ECT2: variants seen among roughly 807,000 people sequenced by gnomAD.
ECT2 encodes protein ECT2.
A neutral mutation model predicts 116.9 loss-of-function variants in ECT2; 61 were observed. The ratio of observed to expected loss-of-function variants is 0.52; its 90% CI spans 0.42 to 0.65. The LOEUF (loss-of-function observed/expected upper bound fraction) is 0.65, where lower values mean the gene tolerates loss of function less well. ECT2 is among the 30% of genes least tolerant of loss of function. The probability of loss-of-function intolerance (pLI) is 0.00; values close to 1 mark genes in which losing one functional copy is unlikely to be tolerated. For missense variants in ECT2, 937 were observed against 1,078.7 expected (o/e 0.87, Z 1.84); for synonymous variants, 358 against 346.4 (o/e 1.03, Z -0.37).
intron 14 of ECT2, among the ~76,000 whole-genome samples, chr3:172,778,634 C>T (rs1306287844): frequency 2.3e-5 from 3 of 128,632 alleles, no homozygotes; most frequent in African/African-American, 3.1e-5. Context: ...CTCGCTCTGT[C>T]GCCCAGGCTG....
intron 22 of ECT2, among the ~76,000 whole-genome samples, chr3:172,814,554 C>G (rs1729362039): frequency 6.6e-6 from 1 of 152,046 alleles, no homozygotes; most frequent in Non-Finnish European, 1.5e-5. Context: ...AACTTGCTTT[C>G]TTCTGAAAAT....
chr3:172,755,828 C>T (rs777319492), intron 4 of ECT2, among the ~76,000 whole-genome samples: 52 of 152,102 alleles, frequency 3.4e-4, no homozygotes, highest in Non-Finnish European at 6.2e-4. Flanking sequence ...CCTCAGCATA[C>T]GAAATAATCT....
intron 5 of ECT2, among the ~76,000 whole-genome samples, chr3:172,757,726 A>G (rs755083121): frequency 7.9e-5 from 12 of 152,056 alleles, no homozygotes; most frequent in Non-Finnish European, 1.6e-4. Flanking sequence ...ATACACTATC[A>G]ATACCACAAT....
At chr3:172,764,965 T>C (rs554080909) in intron 12 of ECT2, among the ~76,000 whole-genome samples, 2 of 139,880 alleles carry the variant, frequency 1.4e-5, no homozygotes, top group South Asian at 4.5e-4. Flanking sequence ...AGTATTTCCC[T>C]TTCTTTTTGA....
chr3:172,828,334 C>CTGTGTGTGTGTGTGTGTGTG, the ECT2 span, among the ~76,000 whole-genome samples: 3,774 of 150,214 alleles, frequency 0.025, 138 homozygotes, highest in African/African-American at 0.087. Context: ...TACCAACAGG[C>CTGTGTGTGTGTGTGTGTGTG]TGTGTGTGTG....
downstream of ECT2, among the ~76,000 whole-genome samples, chr3:172,822,089 T>C (rs1364783989): frequency 6.6e-6 from 1 of 151,986 alleles, no homozygotes; most frequent in Non-Finnish European, 1.5e-5. Context: ...GCACTTTTAG[T>C]TTCTTTAAGG....
At chr3:172,767,932 A>G (rs1719827146) in intron 12 of ECT2, among the ~76,000 whole-genome samples, 1 of 152,108 alleles carries the variant, frequency 6.6e-6, no homozygotes, top group African/African-American at 2.4e-5. Context: ...AGGTTTCACC[A>G]TGTTGGCCAG....
chr3:172,812,967 G>A (rs564680859), intron 22 of ECT2, among the ~76,000 whole-genome samples: 2 of 152,246 alleles, frequency 1.3e-5, no homozygotes, highest in Admixed American at 6.5e-5. Flanking sequence ...GGAAATCCTA[G>A]TAGTGTAAAA....
At position 172,807,940 on chromosome 3, in the gene ECT2, A is replaced by G. The variant is rs756316395; in HGVS notation, c.2400+16A>G. The G allele has an allele frequency of 1.9e-6, 3 of 1,605,566 alleles. No homozygotes were observed. The highest frequency in any genetic ancestry group is 2.6e-6 in the Non-Finnish European group (3 of 1,175,254). ...AGCAGATGCTGTAAGTTCTTAAAACAGTATTATAATGAAAGTTTAAATTTC... is the reference window on the plus strand; with the variant it reads ...AGCAGATGCTGTAAGTTCTTAAAACGGTATTATAATGAAAGTTTAAATTTC... On this transcript the variant is annotated intron_variant, in intron 22 of 24. Coordinates refer to ENST00000392692, the MANE Select transcript of ECT2 (RefSeq NM_001258315.2).
chr3:172,817,536 G>A (rs1729963548), intron 24 of ECT2, among the ~76,000 whole-genome samples: 1 of 152,016 alleles, frequency 6.6e-6, no homozygotes, highest in Non-Finnish European at 1.5e-5. Context: ...CTATTTTTGT[G>A]ATGAGTAGAA....
At chr3:172,750,970 GC>G (rs1715651711) in intron 1 of ECT2, 113 bp downstream of exon 1, 1 of 152,292 alleles carries the variant, frequency 6.6e-6, no homozygotes, top group Non-Finnish European at 1.5e-5. Flanking sequence ...ATTCCGGAGC[GC>G]CCCAGCTCAG....
At chr3:172,778,565 T>C (rs951095411) in intron 14 of ECT2, among the ~76,000 whole-genome samples, 2 of 150,868 alleles carry the variant, frequency 1.3e-5, no homozygotes, top group Non-Finnish European at 3.0e-5. Context: ...TCTTTATTAC[T>C]TAGTTCCTGA....
chr3:172,825,201 G>A (rs1730811604), downstream of ECT2, among the ~76,000 whole-genome samples: 1 of 152,120 alleles, frequency 6.6e-6, no homozygotes, highest in South Asian at 2.1e-4. Context: ...ACCACAAACT[G>A]CACCCATCTA....
intron 18 of ECT2, among the ~76,000 whole-genome samples, chr3:172,801,660 C>G (rs548450157): frequency 6.6e-6 from 1 of 152,328 alleles, no homozygotes; most frequent in South Asian, 2.1e-4. Flanking sequence ...TGCTTCTTCT[C>G]TTAGGGATAT....
At chr3:172,816,565 A>AT in intron 23 of ECT2, 126 bp from the exon 24 acceptor site, 1 of 677,836 alleles carries the variant, frequency 1.5e-6, no homozygotes, top group East Asian at 3.0e-5. Flanking sequence ...TGCCAAAGAG[A>AT]TTCTAATCCT....
intron 1 of ECT2, among the ~76,000 whole-genome samples, chr3:172,753,593 A>G (rs889965578): frequency 6.6e-6 from 1 of 152,368 alleles, no homozygotes; most frequent in East Asian, 1.9e-4. Context: ...GACCAGCCCA[A>G]TTATACCGGA....
chr3:172,793,677 T>TG lies in ECT2; in HGVS notation c.1907+7105dup, dbSNP rs778381330. The stretch of plus-strand genomic sequence containing the variant: ...CGGAGTTTCACCATGTTGGCCAGTC[T>TG]GGTCTCGATCTCCTGACCTCAAGCA... On this transcript the variant is annotated intron_variant, in intron 18 of 24. Transcript: ENST00000392692. Among the ~76,000 whole-genome samples the TG allele has an allele frequency of 7.6e-4, 116 of 152,230 alleles. 2 individuals are homozygous for TG. The highest frequency in any genetic ancestry group is 6.8e-3 in the Middle Eastern group (2 of 294).
chr3:172,814,866 A>G (rs949858645), intron 22 of ECT2, among the ~76,000 whole-genome samples: 18 of 152,166 alleles, frequency 1.2e-4, no homozygotes, highest in Admixed American at 3.3e-4. Flanking sequence ...ATTGTCAACT[A>G]TAGTCACCAC....
At chr3:172,778,601 T>C (rs1559971211) in intron 14 of ECT2, among the ~76,000 whole-genome samples, 1 of 141,432 alleles carries the variant, frequency 7.1e-6, no homozygotes, top group African/African-American at 2.6e-5. Context: ...TTTTTTTTTT[T>C]TTTTTTTTTT....
Sources: gnomAD v4.1 joint callset for allele counts (sites outside exome capture counted in the v4.1 genomes callset) on GRCh38, gnomAD v4.1.1 for gene constraint, MANE v1.5 for transcripts, NCBI Gene and HGNC (gene_info 2026-07-23, HGNC 2026-07-21) for gene names.